The following TP63 variants were observed in gnomAD, a reference collection of about 807,000 sequenced individuals.
TP63 encodes tumor protein 63.
TP63 carries 17 observed loss-of-function variants against 82.8 expected under a neutral mutation model. The ratio of observed to expected loss-of-function variants is 0.21; its 90% CI spans 0.14 to 0.31. TP63 has a LOEUF of 0.31. Ranked by LOEUF, TP63 falls within the 10% of genes least tolerant of loss-of-function variation. TP63 has a pLI of 1.00. For synonymous variants in TP63, 330 were observed against 321.7 expected, an observed-to-expected ratio of 1.03 and a Z score of -0.28; for missense variants, 648 against 895.3, an observed-to-expected ratio of 0.72 and a Z score of 3.52.
At chr3:189,880,516 C>G (rs1405523435) in intron 10 of TP63, 1 of 1,000,422 alleles carries the variant, frequency 1.0e-6, no homozygotes, top group East Asian at 9.9e-5. Flanking sequence ...TTTATTGGAA[C>G]CCTTTTCTGT....
At chr3:189,660,199 T>C (rs1713745166) in intron 1 of TP63, among the ~76,000 whole-genome samples, 1 of 152,104 alleles carries the variant, frequency 6.6e-6, no homozygotes, top group Non-Finnish European at 1.5e-5. Flanking sequence ...TAAATTTAAA[T>C]CTTTAATCCG....
rs190574415 is a variant in TP63, at chr3:189,668,694, G to A, written c.62+37117G>A. Among the ~76,000 whole-genome samples, 155 of 152,118 alleles carry A rather than the reference G, an allele frequency of 1.0e-3. 3 individuals are homozygous for A. Among genetic ancestry groups the A allele is most frequent in the Non-Finnish European group, 1.5e-4 (10 of 67,942 alleles). On this transcript the variant is annotated intron_variant, in intron 1 of 13. Transcript: ENST00000264731. ...ACTAATATCCTAGAAAGACAAGTGA[G>A]AAAGGGGTGAAAAAAGTATTTAAAG...
chr3:189,815,880 G>A (rs1728131193), intron 4 of TP63, among the ~76,000 whole-genome samples: 1 of 152,050 alleles, frequency 6.6e-6, no homozygotes, highest in Non-Finnish European at 1.5e-5. Flanking sequence ...ATTTAACTAA[G>A]CAATACATTA....
intron 3 of TP63, among the ~76,000 whole-genome samples, chr3:189,740,722 A>G (rs1342993299): frequency 2.0e-5 from 3 of 151,416 alleles, no homozygotes; most frequent in Non-Finnish European, 4.4e-5. Flanking sequence ...CTGGTCTCGA[A>G]CTCCTGACCT....
the TP63 span, among the ~76,000 whole-genome samples, chr3:189,624,244 C>T: frequency 2.6e-5 from 4 of 152,082 alleles, no homozygotes; most frequent in African/African-American, 9.7e-5. Context: ...TCTTTTGCAG[C>T]AGATCACGTA....
rs577715207 is a variant in TP63 at position 189,886,413 on chromosome 3, T to A, written c.1369T>A (p.Ser457Thr). ...LQKQTSIQSPSSYGNSSPPLN... is the reference protein window; with the variant it reads ...LQKQTSIQSPTSYGNSSPPLN... ...TCCTAGGACCTCAATACAGTCTCCA[T>A]CTTCATATGGTAACAGCTCCCCACC... Residue 457 changes from serine (S) to threonine (T), a missense_variant, in exon 11 of 14, where the codon TCT becomes ACT. By Grantham distance (58) the Ser-to-Thr change is moderately conservative (BLOSUM62 1). This residue lies in a region of TP63 where 342 missense variants were observed against 425.7 expected (regional missense o/e 0.80). Coordinates refer to ENST00000264731, the MANE Select transcript of TP63 (RefSeq NM_003722.5). 6.2e-7 allele frequency: 1 copy of A among 1,614,132 alleles called. No individual in the cohort carries two copies. Among genetic ancestry groups the A allele is most frequent in the East Asian group, 2.2e-5 (1 of 44,878 alleles).
the TP63 span, among the ~76,000 whole-genome samples, chr3:189,618,015 C>T: frequency 2.0e-5 from 3 of 152,172 alleles, no homozygotes; most frequent in African/African-American, 7.2e-5. Context: ...TATACAGTTA[C>T]TCAAGTCAAC....
At chr3:189,707,007 C>T (rs1469432794) in intron 1 of TP63, among the ~76,000 whole-genome samples, 1 of 150,958 alleles carries the variant, frequency 6.6e-6, no homozygotes, top group African/African-American at 2.5e-5. Flanking sequence ...CTTTTGCTAG[C>T]TCACTTTCTT....
chr3:189,679,550 G>A (rs1272710684), intron 1 of TP63, among the ~76,000 whole-genome samples: 1 of 151,942 alleles, frequency 6.6e-6, no homozygotes, highest in Non-Finnish European at 1.5e-5. Flanking sequence ...TCAGATGTCT[G>A]ATTTGCAAAT....
intron 4 of TP63, among the ~76,000 whole-genome samples, chr3:189,828,015 TGGA>T (rs1362443873): frequency 6.6e-6 from 1 of 152,006 alleles, no homozygotes; most frequent in African/African-American, 2.4e-5. Context: ...CCGAGGCTGG[TGGA>T]TCACCTGAGG....
At chr3:189,675,569 C>A (rs1715315076) in intron 1 of TP63, among the ~76,000 whole-genome samples, 1 of 152,020 alleles carries the variant, frequency 6.6e-6, no homozygotes, top group Non-Finnish European at 1.5e-5. Context: ...CATAAATATT[C>A]CCCATATTCC....
In TP63 at chr3:189,889,746, CCCTT is replaced by C. The variant is rs772088270; in HGVS notation, c.1652+266_1652+269del. 9.8e-5 allele frequency among the ~76,000 whole-genome samples: 15 copies of C among 152,330 alleles called. No homozygotes were observed. The East Asian group carries it at 2.5e-3, about 25-fold the overall frequency. ...TCTGTTTCCCTCGCCTTCACTTACT[CCCTT>C]CCTCCTCTCTCACATTTTTACATTG... On this transcript the variant is annotated intron_variant, in intron 12 of 13. Transcript: ENST00000264731.
intron 3 of TP63, among the ~76,000 whole-genome samples, chr3:189,798,669 G>A (rs76252453): frequency 6.6e-6 from 1 of 152,086 alleles, no homozygotes; most frequent in South Asian, 2.1e-4. Flanking sequence ...ATTTGCAAAC[G>A]CTCTCTCCTT....
intron 4 of TP63, among the ~76,000 whole-genome samples, chr3:189,859,537 A>G (rs1448693366): frequency 6.6e-6 from 1 of 152,232 alleles, no homozygotes; most frequent in Non-Finnish European, 1.5e-5. Flanking sequence ...AATGACATCA[A>G]TTAAAATAAC....
intron 3 of TP63, among the ~76,000 whole-genome samples, chr3:189,791,692 C>T (rs1725159300): frequency 6.6e-6 from 1 of 152,088 alleles, no homozygotes; most frequent in Admixed American, 6.6e-5. Flanking sequence ...ATCCTTCCAC[C>T]AGTGCATGTA....
At chr3:189,822,134 G>A (rs1295614357) in intron 4 of TP63, among the ~76,000 whole-genome samples, 4 of 152,104 alleles carry the variant, frequency 2.6e-5, no homozygotes, top group African/African-American at 7.2e-5. Flanking sequence ...TTTAGGTAAC[G>A]ATGTTATTGG....
chr3:189,746,983 T>C (rs1247518233), intron 3 of TP63, among the ~76,000 whole-genome samples: 1 of 148,542 alleles, frequency 6.7e-6, no homozygotes, highest in African/African-American at 2.5e-5. Context: ...AAACAGATTT[T>C]AAGGGAAAAA....
intron 5 of TP63, among the ~76,000 whole-genome samples, chr3:189,865,311 TATC>T (rs1372123719): frequency 3.3e-5 from 5 of 151,768 alleles, no homozygotes; most frequent in Admixed American, 3.3e-4. Flanking sequence ...AGGGATGAGG[TATC>T]ATGAAGGCCA....
At chr3:189,720,249 G>A (rs79951788) in intron 1 of TP63, among the ~76,000 whole-genome samples, 2,291 of 152,264 alleles carry the variant, frequency 0.015, 53 homozygotes, top group African/African-American at 0.053. Context: ...ACCAGGCCAA[G>A]GAGGAAGAAT....
Sources: allele counts gnomAD v4.1 joint callset (sites outside exome capture counted in the v4.1 genomes callset), GRCh38; gene constraint gnomAD v4.1.1; regional missense constraint gnomAD v4.1.1; transcripts MANE v1.5; gene names NCBI Gene and HGNC (gene_info 2026-07-23, HGNC 2026-07-21).